Variants in FOXP4 observed in about 807,000 individuals in gnomAD.
The protein encoded by FOXP4 is forkhead box P4.
In FOXP4, 25 loss-of-function variants were observed where a neutral mutation model predicts 82.6. The observed-to-expected ratio is 0.30, with a 90% CI of 0.22 to 0.42. The LOEUF is 0.42. FOXP4 is among the 10% of genes least tolerant of loss of function. The probability of loss-of-function intolerance (pLI) is 1.00; values close to 1 mark genes in which losing one functional copy is unlikely to be tolerated. For missense variants in FOXP4, 785 were observed against 900.9 expected, an observed-to-expected ratio of 0.87 and a Z score of 1.65; for synonymous variants, 415 against 388.2, an observed-to-expected ratio of 1.07 and a Z score of -0.81.
intron 1 of FOXP4, among the ~76,000 whole-genome samples, chr6:41,557,829 T>C (rs907864182): frequency 1.3e-5 from 2 of 152,182 alleles, no homozygotes; most frequent in Non-Finnish European, 2.9e-5. Context: ...CTCTTACTTT[T>C]AGGATTCAGA....
At chr6:41,587,553 TG>T in intron 7 of FOXP4, 41 bp downstream of exon 7, 5 of 1,475,672 alleles carry the variant, frequency 3.4e-6, no homozygotes, top group Non-Finnish European at 4.6e-6. Context: ...AAGGCCTGCC[TG>T]GGGGTAGACC....
intron 1 of FOXP4, among the ~76,000 whole-genome samples, chr6:41,556,325 GTT>G (rs11314988): frequency 1.8e-4 from 24 of 136,870 alleles, no homozygotes; most frequent in Admixed American, 3.0e-4. Flanking sequence ...CTCTGTGAAT[GTT>G]TTTTTTTTTT....
At chr6:41,556,681 C>T (rs1248911014) in intron 1 of FOXP4, among the ~76,000 whole-genome samples, 2 of 152,144 alleles carry the variant, frequency 1.3e-5, no homozygotes, top group Non-Finnish European at 2.9e-5. Flanking sequence ...GGCCTTGCTG[C>T]GTCATGGCTC....
rs1396521265 is a variant in FOXP4, at chr6:41,589,808, C to T, written c.1103C>T (p.Ala368Val). Residue 368 changes from alanine to valine, a missense_variant, in exon 10 of 17, where the codon GCC becomes GTC. Ala to Val is a moderately conservative substitution (Grantham distance 64, BLOSUM62 0). Around this residue, in one of 3 missense-constraint regions of FOXP4, gnomAD observed 570 missense variants for 634.0 expected, o/e 0.90. Coordinates refer to ENST00000307972, the MANE Select transcript of FOXP4 (RefSeq NM_001012426.2). ...KESERLQAMM[A>V]HLHMRPSEPK... Reference sequence around the variant, plus strand: ...AGCGAGCGGCTGCAGGCCATGATGGCCCACCTGCACATGCGGCCCTCGGAG... The same window carrying T: ...AGCGAGCGGCTGCAGGCCATGATGGTCCACCTGCACATGCGGCCCTCGGAG... 1 of 1,610,842 alleles carries T rather than the reference C, an allele frequency of 6.2e-7. No homozygotes were observed. The highest frequency in any genetic ancestry group is 8.5e-7 in the Non-Finnish European group (1 of 1,179,918).
intron 2 of FOXP4, among the ~76,000 whole-genome samples, chr6:41,572,770 G>T (rs950380337): frequency 6.6e-6 from 1 of 152,058 alleles, no homozygotes; most frequent in African/African-American, 2.4e-5. Flanking sequence ...GAATTTGCTA[G>T]TACCTCCTCC....
intron 3 of FOXP4, among the ~76,000 whole-genome samples, chr6:41,582,211 A>G (rs6927829): frequency 0.15 from 22,522 of 152,278 alleles, 2,437 homozygotes; most frequent in African/African-American, 0.3. Flanking sequence ...CTTCCGGGTC[A>G]GGGTCAGGGC....
At chr6:41,589,448 GC>G (rs557929479) in intron 9 of FOXP4, among the ~76,000 whole-genome samples, 146 of 152,268 alleles carry the variant, frequency 9.6e-4, no homozygotes, top group East Asian at 2.5e-3. Context: ...CACAGTGGCC[GC>G]CCCCCCGTGG....
chr6:41,582,579 A>G (rs1349494177), intron 3 of FOXP4, among the ~76,000 whole-genome samples: 1 of 152,234 alleles, frequency 6.6e-6, no homozygotes, highest in Non-Finnish European at 1.5e-5. Context: ...GAGGAAAGAA[A>G]GGACAGTGGT....
rs896112756 is a variant in FOXP4 at position 41,546,545 on chromosome 6, C to T, written c.-339C>T. The T allele has an allele frequency of 1.3e-5, 2 of 148,500 alleles. No homozygotes were observed. The highest frequency in any genetic ancestry group is 1.8e-4 in the South Asian group (1 of 5,650). 9.2% of individuals were successfully genotyped at this position (148,500 alleles called of 1,614,324 possible). A position where few individuals can be genotyped will look rare whatever the true frequency, so the allele number is the denominator to read the frequency against. ...CGGCGGGGAGGAGCCCGGGCCGGAA[C>T]CAGGGCTGGGCCGGGGGCGGGGACG... On this transcript the variant is annotated 5_prime_UTR_variant, in exon 1 of 17. Transcript: ENST00000307972.
At chr6:41,583,849 A>T (rs1056048570) in intron 3 of FOXP4, among the ~76,000 whole-genome samples, 1 of 152,166 alleles carries the variant, frequency 6.6e-6, no homozygotes, top group African/African-American at 2.4e-5. Context: ...CTGTAGCTGG[A>T]TTCTTTGGGC....
chr6:41,547,197 G>C (rs1201067973), intron 1 of FOXP4, among the ~76,000 whole-genome samples: 1 of 151,892 alleles, frequency 6.6e-6, no homozygotes, highest in East Asian at 2.0e-4. Flanking sequence ...GGGCGGGGAG[G>C]GGGGCGGCCG....
chr6:41,560,738 G>C (rs950573282), intron 1 of FOXP4, among the ~76,000 whole-genome samples: 5 of 152,280 alleles, frequency 3.3e-5, no homozygotes, highest in African/African-American at 1.2e-4. Context: ...TGATGAGTTG[G>C]CAGGGCGGGC....
chr6:41,557,780 A>ATT (rs369255515), intron 1 of FOXP4, among the ~76,000 whole-genome samples: 4 of 151,206 alleles, frequency 2.6e-5, no homozygotes, highest in African/African-American at 9.7e-5. Flanking sequence ...TGAGTACTCT[A>ATT]TTTTTTTTTC....
At chr6:41,583,090 T>C (rs1404817774) in intron 3 of FOXP4, among the ~76,000 whole-genome samples, 1 of 152,218 alleles carries the variant, frequency 6.6e-6, no homozygotes, top group Non-Finnish European at 1.5e-5. Flanking sequence ...AGAGGTCTCT[T>C]GGAGCCTTCA....
In FOXP4 at chr6:41,587,848, A is replaced by C. The variant is rs1474005816; in HGVS notation, c.928A>C (p.Lys310Gln). The C allele has an allele frequency of 1.3e-6, 2 of 1,571,800 alleles. No individual in the cohort carries two copies. Among genetic ancestry groups the C allele is most frequent in the African/African-American group, 2.7e-5 (2 of 73,810 alleles). The change falls in exon 8 of 17, where the codon AAG (lysine) becomes CAG (glutamine). Residue 310 changes from lysine (K) to glutamine (Q), a missense_variant. Around this residue, in one of 3 missense-constraint regions of FOXP4, gnomAD observed 570 missense variants for 634.0 expected, o/e 0.90. Transcript: ENST00000307972. ...CCCCCTGTACGGACACGGAGAGTGC[A>C]AGTGGCCAGGCTGTGAGACCCTGTG... ...SHPLYGHGEC[K>Q]WPGCETLCED...
chr6:41,552,604 G>A (rs1348952722), intron 1 of FOXP4, among the ~76,000 whole-genome samples: 1 of 152,192 alleles, frequency 6.6e-6, no homozygotes, highest in Non-Finnish European at 1.5e-5. Flanking sequence ...ATCAGTTCCA[G>A]TTGCTGGAAG....
At chr6:41,587,695 C>A in intron 7 of FOXP4, 98 bp from the exon 8 acceptor site, 1 of 945,054 alleles carries the variant, frequency 1.1e-6, no homozygotes, top group South Asian at 1.6e-5. Context: ...TGTATTGGGG[C>A]AGAAATGTCA....
chr6:41,565,340 A>G (rs891336297), intron 1 of FOXP4, among the ~76,000 whole-genome samples: 4 of 152,220 alleles, frequency 2.6e-5, no homozygotes, highest in African/African-American at 9.6e-5. Flanking sequence ...AGCCTGGGCA[A>G]TAGAGCGAGA....
intron 1 of FOXP4, among the ~76,000 whole-genome samples, chr6:41,557,977 G>A (rs888587604): frequency 3.9e-5 from 6 of 152,114 alleles, no homozygotes; most frequent in Non-Finnish European, 5.9e-5. Context: ...GATCTCCTCC[G>A]AGCACCCAAG....
Sources: allele counts gnomAD v4.1 joint callset (sites outside exome capture counted in the v4.1 genomes callset), GRCh38; gene constraint gnomAD v4.1.1; regional missense constraint gnomAD v4.1.1; transcripts MANE v1.5; gene names NCBI Gene and HGNC (gene_info 2026-07-23, HGNC 2026-07-21).